The following DOCK4 variants were observed in gnomAD, a reference collection of about 807,000 sequenced individuals.
The protein encoded by DOCK4 is dedicator of cytokinesis 4, also known as dedicator of cytokinesis protein 4.
In DOCK4, 97 loss-of-function variants were observed where a neutral mutation model predicts 268.1. That is an observed-to-expected ratio of 0.36 (90% CI 0.31 to 0.43). The LOEUF is 0.43. DOCK4 is among the 20% of genes least tolerant of loss of function. DOCK4 has a pLI of 1.00. For missense variants in DOCK4, 2,145 were observed against 2,455.7 expected (o/e 0.87, Z 2.67); for synonymous variants, 954 against 887.2 (o/e 1.08, Z -1.34).
intron 13 of DOCK4, among the ~76,000 whole-genome samples, chr7:111,913,528 G>A (rs1792314779): frequency 6.6e-6 from 1 of 150,512 alleles, no homozygotes; most frequent in East Asian, 2.0e-4. Flanking sequence ...TCCTGCCTCA[G>A]CCTCCCGAGT....
chr7:111,924,673 C>T (rs1793449315), intron 12 of DOCK4, among the ~76,000 whole-genome samples: 1 of 152,110 alleles, frequency 6.6e-6, no homozygotes, highest in Non-Finnish European at 1.5e-5. Context: ...ACCTATAATC[C>T]TTTGGGAGGC....
chr7:112,079,423 T>C (rs199585254), intron 1 of DOCK4, among the ~76,000 whole-genome samples: 2 of 152,186 alleles, frequency 1.3e-5, no homozygotes, highest in African/African-American at 2.4e-5. Flanking sequence ...TGGGTCACTA[T>C]TGGCAATATA....
At chr7:111,944,352 G>A (rs1286361099) in intron 10 of DOCK4, among the ~76,000 whole-genome samples, 1 of 150,094 alleles carries the variant, frequency 6.7e-6, no homozygotes, top group South Asian at 2.1e-4. Context: ...TCAGTATTCA[G>A]TATTTCACAG....
At chr7:111,762,629 T>C (rs1172442590) in intron 39 of DOCK4, among the ~76,000 whole-genome samples, 1 of 152,110 alleles carries the variant, frequency 6.6e-6, no homozygotes, top group Non-Finnish European at 1.5e-5. Context: ...TTTTGGCTAT[T>C]ATGAATAATG....
intron 13 of DOCK4, among the ~76,000 whole-genome samples, chr7:111,907,126 G>C (rs1340653241): frequency 1.4e-5 from 2 of 147,824 alleles, no homozygotes; most frequent in Admixed American, 1.3e-4. Flanking sequence ...CGGATAGGCT[G>C]AAAAGTTAAC....
At chr7:111,876,786 G>T (rs1309870830) in intron 17 of DOCK4, among the ~76,000 whole-genome samples, 2 of 148,522 alleles carry the variant, frequency 1.3e-5, no homozygotes, top group Non-Finnish European at 1.5e-5. Context: ...GGTTTTGATG[G>T]TTTATTTAAA....
chr7:112,025,026 C>T (rs1802649908), intron 1 of DOCK4, among the ~76,000 whole-genome samples: 1 of 150,548 alleles, frequency 6.6e-6, no homozygotes. Flanking sequence ...AGTTAGTTTG[C>T]ATAACACAGC....
intron 1 of DOCK4, among the ~76,000 whole-genome samples, chr7:112,178,435 A>T (rs1818710766): frequency 6.6e-6 from 1 of 152,206 alleles, no homozygotes; most frequent in South Asian, 2.1e-4. Flanking sequence ...CAAAAAAATC[A>T]TCGGTAACAG....
At chr7:111,847,851 C>T (rs1804239084) in intron 23 of DOCK4, among the ~76,000 whole-genome samples, 1 of 152,150 alleles carries the variant, frequency 6.6e-6, no homozygotes, top group African/African-American at 2.4e-5. Flanking sequence ...TGGACTAATA[C>T]ACTCCCTTTT....
intron 1 of DOCK4, among the ~76,000 whole-genome samples, chr7:112,162,675 A>G (rs1817241258): frequency 1.3e-5 from 2 of 152,094 alleles, no homozygotes; most frequent in South Asian, 4.2e-4. Flanking sequence ...TACTTTGAGG[A>G]GGGTTTTTAT....
intron 47 of DOCK4, 79 bp downstream of exon 47, chr7:111,741,015 C>A: frequency 6.5e-7 from 1 of 1,543,502 alleles, no homozygotes; most frequent in South Asian, 1.2e-5. Flanking sequence ...TGTTCATCAG[C>A]ACAGCAGAAT....
At chr7:111,852,879 A>AC (rs1373320032) in intron 23 of DOCK4, among the ~76,000 whole-genome samples, 1 of 152,158 alleles carries the variant, frequency 6.6e-6, no homozygotes, top group South Asian at 2.1e-4. Context: ...ATCAAATAAG[A>AC]CCCCCCATAA....
intron 1 of DOCK4, among the ~76,000 whole-genome samples, chr7:112,074,875 G>T (rs896257356): frequency 2.6e-5 from 4 of 152,158 alleles, no homozygotes; most frequent in Admixed American, 6.6e-5. Context: ...TCTCTTCTCA[G>T]AGATCTATTT....
chr7:111,929,892 G>C (rs571220721), intron 12 of DOCK4, among the ~76,000 whole-genome samples: 2 of 152,276 alleles, frequency 1.3e-5, no homozygotes, highest in Non-Finnish European at 2.9e-5. Context: ...AATATGAAAA[G>C]ACTTTGAAGT....
At chr7:111,816,369 CA>C (rs369817325) in intron 27 of DOCK4, among the ~76,000 whole-genome samples, 1 of 152,212 alleles carries the variant, frequency 6.6e-6, no homozygotes, top group East Asian at 1.9e-4. Flanking sequence ...ATTGGGGCAG[CA>C]AAAAATCAAC....
chr7:111,821,228 C>G (rs1230399768), intron 27 of DOCK4: 1 of 152,164 alleles, frequency 6.6e-6, no homozygotes, highest in African/African-American at 2.4e-5. Context: ...GCAGCTCTCA[C>G]CACCATCAAA....
chr7:111,907,200 T>C (rs1791655048), intron 13 of DOCK4, among the ~76,000 whole-genome samples: 1 of 152,214 alleles, frequency 6.6e-6, no homozygotes, highest in Non-Finnish European at 1.5e-5. Context: ...GTTTTCTCTA[T>C]TTTCTATCTA....
At chr7:111,867,914 G>A (rs916492464) in intron 22 of DOCK4, 70 bp downstream of exon 22, 25 of 1,310,818 alleles carry the variant, frequency 1.9e-5, no homozygotes, top group Middle Eastern at 1.9e-4. Context: ...ATTTGATTAC[G>A]CTGCTGTGTA....
intron 6 of DOCK4, among the ~76,000 whole-genome samples, chr7:111,986,580 G>C (rs149414144): frequency 1.3e-5 from 2 of 152,114 alleles, no homozygotes; most frequent in Non-Finnish European, 2.9e-5. Flanking sequence ...CAGGGAGAGC[G>C]TCATGTTTTC....
Sources: gnomAD v4.1 joint callset for allele counts (sites outside exome capture counted in the v4.1 genomes callset) on GRCh38, gnomAD v4.1.1 for gene constraint, MANE v1.5 for transcripts, NCBI Gene and HGNC (gene_info 2026-07-23, HGNC 2026-07-21) for gene names.